The following EFNA2 variants were observed in gnomAD, a reference collection of about 807,000 sequenced individuals.
The protein encoded by EFNA2 is ephrin A2, also known as ephrin-A2.
EFNA2 carries 18 observed loss-of-function variants against 19.7 expected under a neutral mutation model. The observed-to-expected ratio is 0.91, with a 90% CI of 0.63 to 1.35. The LOEUF is 1.35. Among genes scored for constraint, EFNA2 ranks in the 40% most tolerant of loss-of-function variants. The probability of loss-of-function intolerance (pLI) is 0.00; values close to 1 mark genes in which losing one functional copy is unlikely to be tolerated. For synonymous variants in EFNA2, 187 were observed against 137.8 expected (o/e 1.36, Z -2.50); for missense variants, 303 against 296.0 (o/e 1.02, Z -0.17).
Position 1,296,547 on chromosome 19 carries a change from C to T in EFNA2, c.454+689C>T, listed in dbSNP as rs11879883. 3.3e-5 allele frequency among the ~76,000 whole-genome samples: 5 copies of T among 152,198 alleles called. No homozygotes were observed. The highest frequency in any genetic ancestry group is 1.2e-4 in the African/African-American group (5 of 41,444). On this transcript the variant is annotated intron_variant, in intron 2 of 3. Coordinates refer to ENST00000215368, the MANE Select transcript of EFNA2 (RefSeq NM_001405.4). This position sits in a 1 kb window ranked among gnomAD's most constrained non-coding sequence, Gnocchi z 4.4. ...AGGTGTGGTGGCATGGGCCTGTGGTCCCAGCTGTGCAGGGGGCTGAGGTGG... is the reference window on the plus strand; with the variant it reads ...AGGTGTGGTGGCATGGGCCTGTGGTTCCAGCTGTGCAGGGGGCTGAGGTGG...
chr19:1,289,241 G>A (rs138951700), intron 1 of EFNA2, among the ~76,000 whole-genome samples: 14 of 152,372 alleles, frequency 9.2e-5, no homozygotes, highest in Non-Finnish European at 1.6e-4. Flanking sequence ...TGGCACCCGC[G>A]TTTGCATGTG....
intron 2 of EFNA2, among the ~76,000 whole-genome samples, chr19:1,298,072 CAAAAAAAAA>C (rs58897953): frequency 2.0e-5 from 1 of 49,846 alleles, no homozygotes; most frequent in Admixed American, 2.8e-4. Context: ...AGCTCCATCA[CAAAAAAAAA>C]AAAAAAAAAA....
rs111808243 is a variant in EFNA2 at position 1,296,691 on chromosome 19, C to A, written c.454+833C>A. On this transcript the variant is annotated intron_variant, in intron 2 of 3. Coordinates refer to ENST00000215368, the MANE Select transcript of EFNA2 (RefSeq NM_001405.4). This position sits in a 1 kb window ranked among gnomAD's most constrained non-coding sequence, Gnocchi z 4.4. ...CCCACAGGGCCCCTGCCGCACCAGC[C>A]GCACCCAGACTGGGTAGGGGTCTCC... is the stretch of plus-strand genomic sequence containing the variant. Among the ~76,000 whole-genome samples the A allele has an allele frequency of 1.3e-5, 2 of 152,178 alleles. No individual in the cohort carries two copies. The highest frequency in any genetic ancestry group is 4.8e-5 in the African/African-American group (2 of 41,442).
chr19:1,286,113 G>T lies in EFNA2; in HGVS notation c.-56G>T. ...CGGCGGCGGCGGCGGCGGAGGAGGC[G>T]GAGAAGGCTGGCAGGCGGCGGCCGG... On this transcript the variant is annotated 5_prime_UTR_variant, in exon 1 of 4. Transcript: ENST00000215368. This position sits in a 1 kb window ranked among gnomAD's most constrained non-coding sequence, Gnocchi z 5.6. 1.6e-6 allele frequency: 1 copy of T among 628,432 alleles called. No individual in the cohort carries two copies. The highest frequency in any genetic ancestry group is 2.0e-6 in the Non-Finnish European group (1 of 506,128). The allele number at this position is 628,432 out of a possible 1,614,324, so 38.9% of individuals were successfully genotyped here.
At position 1,295,789 on chromosome 19, in the gene EFNA2, A is replaced by G; in HGVS notation, c.385A>G (p.Lys129Glu). ...CGGGGGGCCGCTCAAGTTCTCGGAG[A>G]AGTTCCAGCTCTTCACGCCCTTCTC... ...APGGPLKFSE[K>E]FQLFTPFSLG... is the part of the protein sequence containing the mutation. The change falls in exon 2 of 4, where the codon AAG becomes GAG. Residue 129 changes from lysine to glutamate, a missense_variant. Physicochemically the swap from Lys to Glu is moderately conservative, Grantham distance 56. Coordinates refer to ENST00000215368, the MANE Select transcript of EFNA2 (RefSeq NM_001405.4). The surrounding 1 kb of genome is among the most constrained non-coding windows in gnomAD (Gnocchi z 5.8). 1 of 1,608,020 alleles carries G rather than the reference A, an allele frequency of 6.2e-7. No individual in the cohort carries two copies. Among genetic ancestry groups the G allele is most frequent in the Non-Finnish European group, 8.5e-7 (1 of 1,178,326 alleles).
At chr19:1,298,652 C>T (rs1156823902) in intron 3 of EFNA2, 36 bp downstream of exon 3, 1 of 1,609,604 alleles carries the variant, frequency 6.2e-7, no homozygotes, top group Admixed American at 1.7e-5. Context: ...ATCCAGGCCC[C>T]CACCCCTGTG....
Position 1,299,814 on chromosome 19 carries a change from C to T in EFNA2, c.521-10C>T. 1 of 1,595,086 alleles carries T rather than the reference C, an allele frequency of 6.3e-7. No homozygotes were observed. On this transcript the variant is annotated splice_polypyrimidine_tract_variant and intron_variant, in intron 3 of 3. Transcript: ENST00000215368. ...GCGGCCGCTGAGCGTGCTGTCTCTG[C>T]CACCCGCAGACGAGACCCTGTACGA...
At chr19:1,298,109 C>A (rs893859968) in intron 2 of EFNA2, among the ~76,000 whole-genome samples, 16 of 150,840 alleles carry the variant, frequency 1.1e-4, no homozygotes, top group Non-Finnish European at 7.4e-5. Flanking sequence ...AGAATCTTTC[C>A]CAGAGAATCT....
rs1433700470 is a variant in EFNA2, at chr19:1,300,571, A to T, written c.*626A>T. ...CTGCTCTGCACCCCACTCGTGGGGG[A>T]ACACAGCTGCAGCCCACCGCGGACC... On this transcript the variant is annotated 3_prime_UTR_variant, in exon 4 of 4. Transcript: ENST00000215368. Among the ~76,000 whole-genome samples the T allele has an allele frequency of 2.0e-5, 3 of 151,522 alleles. No homozygotes were observed. The highest frequency in any genetic ancestry group is 2.1e-4 in the South Asian group (1 of 4,774).
Position 1,294,518 on chromosome 19 carries a change from C to G in EFNA2, c.141-1027C>G, listed in dbSNP as rs1485899585. ...GGGAGACCAGGAGGCCGCCGGATTC[C>G]GGGGCTCGGGGCTCGGGAGGTTTCT... On this transcript the variant is annotated intron_variant, in intron 1 of 3. Transcript: ENST00000215368. The surrounding 1 kb of genome is among the most constrained non-coding windows in gnomAD (Gnocchi z 5.8). Among the ~76,000 whole-genome samples the G allele has an allele frequency of 6.6e-6, 1 of 151,466 alleles. No individual in the cohort carries two copies. Among genetic ancestry groups the G allele is most frequent in the Non-Finnish European group, 1.5e-5 (1 of 67,830 alleles).
rs1480692453 is a variant in EFNA2 at position 1,301,401 on chromosome 19, T to C, written c.*1456T>C. Reference sequence around the variant, plus strand: ...CACAATCAACTTTGGATTCTGTATTTTTTTATAATAAAATGAGCATAAACC... The same window carrying C: ...CACAATCAACTTTGGATTCTGTATTCTTTTATAATAAAATGAGCATAAACC... On this transcript the variant is annotated 3_prime_UTR_variant, in exon 4 of 4. Transcript: ENST00000215368. 6.6e-6 allele frequency among the ~76,000 whole-genome samples: 1 copy of C among 151,854 alleles called. No homozygotes were observed. Among genetic ancestry groups the C allele is most frequent in the African/African-American group, 2.4e-5 (1 of 41,392 alleles).
In EFNA2 at chr19:1,300,972, G is replaced by C. The variant is rs972551954; in HGVS notation, c.*1027G>C. ...TTCATAGGGGGTCTTTTATTTTGGT[G>C]GGGGGGTGGGGTGGACTTTTAGAGT... On this transcript the variant is annotated 3_prime_UTR_variant, in exon 4 of 4. Transcript: ENST00000215368. Among the ~76,000 whole-genome samples, 2 of 125,026 alleles carry C rather than the reference G, an allele frequency of 1.6e-5. No individual in the cohort carries two copies. Among genetic ancestry groups the C allele is most frequent in the African/African-American group, 3.8e-5 (1 of 25,978 alleles). 82.0% of individuals were successfully genotyped at this position (125,026 alleles called of 152,430 possible).
intron 1 of EFNA2, among the ~76,000 whole-genome samples, chr19:1,289,947 C>A (rs932088113): frequency 6.6e-6 from 1 of 151,920 alleles, no homozygotes; most frequent in Non-Finnish European, 1.5e-5. Flanking sequence ...GCATTGGGGG[C>A]GCTAGGAGAG....
intron 1 of EFNA2, among the ~76,000 whole-genome samples, chr19:1,292,107 C>G (rs1046461400): frequency 6.6e-6 from 1 of 152,232 alleles, no homozygotes; most frequent in Admixed American, 6.5e-5. Flanking sequence ...ATGGAGGAAG[C>G]GAAGGCTTTG....
intron 1 of EFNA2, among the ~76,000 whole-genome samples, chr19:1,290,338 T>C (rs1600055901): frequency 6.6e-6 from 1 of 152,110 alleles, no homozygotes; most frequent in East Asian, 1.9e-4. Context: ...GTGCCATGGG[T>C]GGCCCAGGCC....
intron 1 of EFNA2, among the ~76,000 whole-genome samples, chr19:1,292,644 G>A (rs1323759896): frequency 1.3e-5 from 2 of 152,194 alleles, no homozygotes; most frequent in Non-Finnish European, 2.9e-5. Flanking sequence ...GAGGAGTCTT[G>A]GAGAGAGGAG....
rs1384952759 is a variant in EFNA2 at position 1,287,564 on chromosome 19, G to A, written c.140+1256G>A. Among the ~76,000 whole-genome samples the A allele has an allele frequency of 1.3e-5, 2 of 152,152 alleles. No individual in the cohort carries two copies. The highest frequency in any genetic ancestry group is 1.3e-4 in the Admixed American group (2 of 15,288). On this transcript the variant is annotated intron_variant, in intron 1 of 3. Coordinates refer to ENST00000215368, the MANE Select transcript of EFNA2 (RefSeq NM_001405.4). The surrounding 1 kb of genome is among the most constrained non-coding windows in gnomAD (Gnocchi z 6.2). ...TGAGGCGGGCTCGGGGACAAGGGCG[G>A]CCCGTGTTCCGCCGTGGGGGTGGGG...
chr19:1,298,603 CGTGCGGCCGACCA>C lies in EFNA2; in HGVS notation c.510_520+2del, dbSNP rs1473661735. ...GGCCCTGCCTGCGACTGAAGGTGTA[CGTGCGGCCGACCA>C]GTAAGTGCTCAGGGGGATGGGCAGG... is the stretch of plus-strand genomic sequence containing the variant. On this transcript the variant is annotated frameshift_variant and splice_region_variant, in exon 3 of 4. Coordinates refer to ENST00000215368, the MANE Select transcript of EFNA2 (RefSeq NM_001405.4). LOFTEE classifies it high-confidence loss of function. The C allele has an allele frequency of 6.2e-7, 1 of 1,613,898 alleles. No individual in the cohort carries two copies. Among genetic ancestry groups the C allele is most frequent in the East Asian group, 2.2e-5 (1 of 44,872 alleles).
rs544609878 is a variant in EFNA2 at position 1,287,039 on chromosome 19, C to G, written c.140+731C>G. On this transcript the variant is annotated intron_variant, in intron 1 of 3. Coordinates refer to ENST00000215368, the MANE Select transcript of EFNA2 (RefSeq NM_001405.4). The surrounding 1 kb of genome is among the most constrained non-coding windows in gnomAD (Gnocchi z 6.2). Reference sequence around the variant, plus strand: ...ACTTGGGGGCAGGACCCAGGTGGCCCAGTGCCCTGCCTGCCACGCCCGGCC... The same window carrying G: ...ACTTGGGGGCAGGACCCAGGTGGCCGAGTGCCCTGCCTGCCACGCCCGGCC... Among the ~76,000 whole-genome samples the G allele has an allele frequency of 2.8e-4, 42 of 152,312 alleles. No individual in the cohort carries two copies. Among genetic ancestry groups the G allele is most frequent in the African/African-American group, 9.4e-4 (39 of 41,550 alleles).
Sources: gnomAD v4.1 joint callset for allele counts (sites outside exome capture counted in the v4.1 genomes callset) on GRCh38, gnomAD v4.1.1 for gene constraint, Gnocchi (gnomAD v3.1) non-coding constraint, MANE v1.5 for transcripts, NCBI Gene and HGNC (gene_info 2026-07-23, HGNC 2026-07-21) for gene names.